The following DLG2 variants were observed in gnomAD, a reference collection of about 807,000 sequenced individuals.
The protein encoded by DLG2 is disks large homolog 2.
Under a neutral mutation model 132.5 loss-of-function variants are expected in DLG2, and 45 were observed. The observed-to-expected ratio is 0.34, with a 90% CI of 0.27 to 0.44. DLG2 has a LOEUF of 0.44. Ranked by LOEUF, DLG2 falls within the 20% of genes least tolerant of loss-of-function variation. The pLI, the probability that DLG2 is intolerant of heterozygous loss-of-function variation, is 1.00. For synonymous variants in DLG2, 424 were observed against 419.6 expected (o/e 1.01, Z -0.13); for missense variants, 1,045 against 1,196.9 (o/e 0.87, Z 1.87).
chr11:84,059,182 A>G (rs746469625), intron 11 of DLG2, 133 bp downstream of exon 11: 4 of 785,164 alleles, frequency 5.1e-6, no homozygotes, highest in Non-Finnish European at 8.0e-6. Flanking sequence ...TGTAACCACT[A>G]CTGTAGGATT....
At chr11:85,016,007 T>C (rs922829431) in intron 6 of DLG2, among the ~76,000 whole-genome samples, 2 of 152,124 alleles carry the variant, frequency 1.3e-5, no homozygotes, top group Admixed American at 6.6e-5. Flanking sequence ...CTAGTTTTAT[T>C]ACAAATGAAG....
chr11:84,908,424 T>A (rs2091753877), intron 6 of DLG2, among the ~76,000 whole-genome samples: 1 of 152,144 alleles, frequency 6.6e-6, no homozygotes, highest in Middle Eastern at 3.2e-3. Context: ...TGTCCAGTCG[T>A]TACTCTATCA....
chr11:85,496,509 T>G (rs993088884), intron 3 of DLG2, among the ~76,000 whole-genome samples: 13 of 152,120 alleles, frequency 8.5e-5, no homozygotes, highest in African/African-American at 1.2e-4. Flanking sequence ...GAACAAAAGG[T>G]AGCAAACAGC....
intron 9 of DLG2, among the ~76,000 whole-genome samples, chr11:84,128,086 G>T (rs769545020): frequency 6.6e-6 from 1 of 152,072 alleles, no homozygotes; most frequent in Non-Finnish European, 1.5e-5. Flanking sequence ...TTATATCCCA[G>T]GGCATAAAAT....
chr11:83,634,192 A>C (rs528831707), intron 18 of DLG2, among the ~76,000 whole-genome samples: 2 of 152,226 alleles, frequency 1.3e-5, no homozygotes, highest in East Asian at 3.9e-4. Flanking sequence ...CCACATGCCA[A>C]ATTTTAGAAA....
chr11:85,451,460 C>CA (rs980876588), intron 3 of DLG2, among the ~76,000 whole-genome samples: 3 of 151,926 alleles, frequency 2.0e-5, no homozygotes, highest in Non-Finnish European at 2.9e-5. Flanking sequence ...CTCTCTAAAC[C>CA]AAAAAAATTG....
chr11:83,695,348 G>A (rs188499374), intron 18 of DLG2, among the ~76,000 whole-genome samples: 2 of 152,300 alleles, frequency 1.3e-5, no homozygotes, highest in East Asian at 3.9e-4. Flanking sequence ...GCCTGTTACC[G>A]CTATTAAGAT....
chr11:83,523,788 T>C (rs1004063803), intron 21 of DLG2, among the ~76,000 whole-genome samples: 7 of 152,188 alleles, frequency 4.6e-5, no homozygotes, highest in African/African-American at 1.4e-4. Context: ...CTACACAAGA[T>C]AGCAGAGAAC....
At chr11:84,028,655 T>C (rs1051880395) in intron 11 of DLG2, among the ~76,000 whole-genome samples, 1 of 152,146 alleles carries the variant, frequency 6.6e-6, no homozygotes, top group Non-Finnish European at 1.5e-5. Flanking sequence ...CTCCTTACCA[T>C]GGCCTCCTGC....
chr11:84,000,445 C>A (rs1259335680), intron 11 of DLG2, among the ~76,000 whole-genome samples: 3 of 151,830 alleles, frequency 2.0e-5, no homozygotes, highest in Non-Finnish European at 4.4e-5. Flanking sequence ...GTTAGAAAAA[C>A]TATTTAACAT....
intron 6 of DLG2, among the ~76,000 whole-genome samples, chr11:84,790,135 ATATT>A (rs1023626801): frequency 2.6e-5 from 4 of 152,102 alleles, no homozygotes; most frequent in African/African-American, 9.7e-5. Flanking sequence ...TGGTAGCTCT[ATATT>A]TAGTTTTTTT....
At chr11:84,196,417 A>C (rs1566897026) in intron 8 of DLG2, among the ~76,000 whole-genome samples, 1 of 152,228 alleles carries the variant, frequency 6.6e-6, no homozygotes, top group Non-Finnish European at 1.5e-5. Context: ...TTGAGCGGCC[A>C]AAACAACTCT....
intron 25 of DLG2, among the ~76,000 whole-genome samples, chr11:83,468,038 G>A (rs1170035665): frequency 6.6e-6 from 1 of 151,788 alleles, no homozygotes; most frequent in African/African-American, 2.4e-5. Flanking sequence ...TGGATATGCA[G>A]ATACATTTGC....
At chr11:84,226,549 C>A (rs1274119758) in intron 8 of DLG2, among the ~76,000 whole-genome samples, 2 of 152,174 alleles carry the variant, frequency 1.3e-5, no homozygotes. Context: ...AATAAAAATA[C>A]TATTTCTAAT....
chr11:85,095,181 G>A (rs561081274), intron 6 of DLG2, among the ~76,000 whole-genome samples: 55 of 152,152 alleles, frequency 3.6e-4, no homozygotes, highest in Admixed American at 2.7e-3. Context: ...ATGTATCACC[G>A]TAACAGATAT....
chr11:84,889,095 G>C (rs1021992112), intron 6 of DLG2, among the ~76,000 whole-genome samples: 1 of 104,104 alleles, frequency 9.6e-6, no homozygotes, highest in East Asian at 2.2e-4. Flanking sequence ...GAAACCTCTG[G>C]ACACATTAAA....
intron 15 of DLG2, among the ~76,000 whole-genome samples, chr11:83,901,864 A>G (rs1234115166): frequency 6.6e-6 from 1 of 152,178 alleles, no homozygotes; most frequent in Non-Finnish European, 1.5e-5. Flanking sequence ...CATCCACAAC[A>G]TGAGAAAAAT....
At chr11:85,309,998 C>A (rs1443983079) in intron 3 of DLG2, among the ~76,000 whole-genome samples, 1 of 152,122 alleles carries the variant, frequency 6.6e-6, no homozygotes, top group African/African-American at 2.4e-5. Context: ...GATGCTGATA[C>A]AATCATTTTA....
At chr11:83,659,800 G>T (rs1470036818) in intron 18 of DLG2, among the ~76,000 whole-genome samples, 1 of 152,152 alleles carries the variant, frequency 6.6e-6, no homozygotes, top group African/African-American at 2.4e-5. Context: ...AAACTGTATT[G>T]TATTATATTG....
Sources: allele counts gnomAD v4.1 joint callset (sites outside exome capture counted in the v4.1 genomes callset), GRCh38; gene constraint gnomAD v4.1.1; transcripts MANE v1.5; gene names NCBI Gene and HGNC (gene_info 2026-07-23, HGNC 2026-07-21).